DNAI2: variants seen among roughly 807,000 people sequenced by gnomAD.
DNAI2 encodes dynein, axonemal, intermediate polypeptide 2.
A neutral mutation model predicts 74.7 loss-of-function variants in DNAI2; 63 were observed. That is an observed-to-expected ratio of 0.84 (90% confidence interval 0.69 to 1.04). The LOEUF is 1.04. Ranked by LOEUF, DNAI2 falls within the 50% of genes least tolerant of loss-of-function variation. The pLI is 0.00. For missense variants in DNAI2, 688 were observed against 803.2 expected (o/e 0.86, Z 1.73); for synonymous variants, 289 against 314.9 (o/e 0.92, Z 0.87).
At chr17:74,298,690 C>A (rs2052587729) in intron 6 of DNAI2, among the ~76,000 whole-genome samples, 1 of 152,120 alleles carries the variant, frequency 6.6e-6, no homozygotes, top group South Asian at 2.1e-4. Flanking sequence ...GCAGCCTCAA[C>A]CTCCCAGGCT....
chr17:74,304,186 C>CTTTTT (rs56696514), intron 8 of DNAI2, among the ~76,000 whole-genome samples: 48 of 67,652 alleles, frequency 7.1e-4, no homozygotes, highest in African/African-American at 8.7e-4. Context: ...TTTCTTTTTT[C>CTTTTT]TTTTTTTTTT....
intron 3 of DNAI2, 106 bp downstream of exon 3, chr17:74,285,307 G>T (rs2143905335): frequency 7.1e-7 from 1 of 1,411,918 alleles, no homozygotes; most frequent in South Asian, 1.2e-5. Context: ...AGGCTCGTGT[G>T]AATGCTGGGG....
rs1357928166 is a variant in DNAI2, at chr17:74,314,265, C to T, written c.*49C>T. ...TATCCCTGTGTGCCTTCCTTTCCCA[C>T]CTCTTGGTATTGCCCCGCTCTCACA... On this transcript the variant is annotated 3_prime_UTR_variant, in exon 13 of 14. Coordinates refer to ENST00000311014, the MANE Select transcript of DNAI2 (RefSeq NM_023036.6). The T allele has an allele frequency of 5.0e-6, 8 of 1,611,860 alleles. No homozygotes were observed. Among genetic ancestry groups the T allele is most frequent in the Non-Finnish European group, 5.9e-6 (7 of 1,178,666 alleles).
At chr17:74,285,287 C>T in intron 3 of DNAI2, 86 bp downstream of exon 3, 1 of 1,521,394 alleles carries the variant, frequency 6.6e-7, no homozygotes, top group Admixed American at 1.9e-5. Context: ...TGTGCCTGGC[C>T]ATCGCTGTGA....
chr17:74,280,403 C>G (rs897261484), intron 1 of DNAI2, among the ~76,000 whole-genome samples: 2 of 152,170 alleles, frequency 1.3e-5, no homozygotes, highest in Non-Finnish European at 2.9e-5. Context: ...CAGGGCCGAG[C>G]CCAGCCCACT....
Position 74,305,296 on chromosome 17 carries a change from G to C in DNAI2, c.1065G>C (p.Lys355Asn), listed in dbSNP as rs551163932. 1.2e-6 allele frequency: 2 copies of C among 1,614,240 alleles called. No homozygotes were observed. Among genetic ancestry groups the C allele is most frequent in the Non-Finnish European group, 1.7e-6 (2 of 1,180,048 alleles). The change falls in exon 9 of 14, where the codon AAG becomes AAC. Residue 355 changes from lysine (K) to asparagine (N), a missense_variant. Coordinates refer to ENST00000311014, the MANE Select transcript of DNAI2 (RefSeq NM_023036.6). ...GCAAGGCCAAGACGTCAGCTGAAAA[G>C]ATTGTGTGCACCTTCCCGGGCCATC... ...CNRKAKTSAE[K>N]IVCTFPGHHG...
intron 9 of DNAI2, among the ~76,000 whole-genome samples, chr17:74,306,660 C>T (rs904891357): frequency 2.0e-5 from 3 of 152,170 alleles, no homozygotes; most frequent in African/African-American, 7.2e-5. Context: ...CTCTGTCACC[C>T]AGGCTGAAGT....
intron 8 of DNAI2, among the ~76,000 whole-genome samples, chr17:74,304,362 A>G (rs762136731): frequency 6.6e-6 from 1 of 151,502 alleles, no homozygotes; most frequent in Non-Finnish European, 1.5e-5. Flanking sequence ...CCCTCCCCTC[A>G]GTGTGCCCCT....
At chr17:74,311,963 C>A in intron 11 of DNAI2, 40 bp from the exon 12 acceptor site, 1 of 1,601,518 alleles carries the variant, frequency 6.2e-7, no homozygotes, top group Non-Finnish European at 8.5e-7. Flanking sequence ...TGCCATCCTG[C>A]CCTCTCCCCA....
intron 8 of DNAI2, among the ~76,000 whole-genome samples, chr17:74,304,448 G>T (rs1250994313): frequency 1.3e-5 from 2 of 152,028 alleles, no homozygotes; most frequent in Non-Finnish European, 2.9e-5. Flanking sequence ...GGCCCTGCTG[G>T]TGGAGGTTGT....
chr17:74,291,487 C>A (rs2143955978), intron 6 of DNAI2, among the ~76,000 whole-genome samples: 1 of 152,248 alleles, frequency 6.6e-6, no homozygotes, highest in Non-Finnish European at 1.5e-5. Flanking sequence ...ATAGTCAGAG[C>A]CAATCCTGCT....
chr17:74,303,367 T>C (rs2052977497), intron 8 of DNAI2, among the ~76,000 whole-genome samples: 1 of 152,144 alleles, frequency 6.6e-6, no homozygotes, highest in South Asian at 2.1e-4. Context: ...TGCAGTCGGC[T>C]TGAATACTTT....
intron 12 of DNAI2, among the ~76,000 whole-genome samples, chr17:74,313,379 C>G (rs931284014): frequency 6.6e-6 from 1 of 152,152 alleles, no homozygotes; most frequent in Non-Finnish European, 1.5e-5. Flanking sequence ...CTGGGTAATA[C>G]AGGTGGGGCA....
intron 9 of DNAI2, among the ~76,000 whole-genome samples, chr17:74,305,964 G>A (rs559342379): frequency 3.3e-5 from 5 of 152,158 alleles, no homozygotes; most frequent in Non-Finnish European, 5.9e-5. Context: ...GAGCCACCGC[G>A]TCTGGCTGGC....
chr17:74,277,283 G>A (rs757872851), intron 1 of DNAI2, among the ~76,000 whole-genome samples: 1 of 151,798 alleles, frequency 6.6e-6, no homozygotes, highest in Non-Finnish European at 1.5e-5. Flanking sequence ...GCTACGGGAG[G>A]CTGAGGCAGG....
At chr17:74,303,420 A>G (rs1189726421) in intron 8 of DNAI2, among the ~76,000 whole-genome samples, 1 of 152,000 alleles carries the variant, frequency 6.6e-6, no homozygotes, top group Non-Finnish European at 1.5e-5. Context: ...CTTGCCCTTG[A>G]CGCCCAACTT....
chr17:74,301,056 G>A lies in DNAI2; in HGVS notation c.875G>A (p.Trp292Ter). The A allele has an allele frequency of 1.9e-6, 3 of 1,613,940 alleles. No homozygotes were observed. The highest frequency in any genetic ancestry group is 2.5e-6 in the Non-Finnish European group (3 of 1,179,884). Residue 292 changes from tryptophan (W) to a stop codon, truncating the protein, a stop_gained, in exon 8 of 14, where the codon TGG (tryptophan) becomes TAG (stop). Transcript: ENST00000311014. LOFTEE classifies it high-confidence loss of function. Reference protein sequence around the residue: ...SASTDGQVMWWDIRKMSEPTE... With the variant: ...SASTDGQVMW The stretch of plus-strand genomic sequence containing the variant: ...CCCTCCTCCCACCAGGTCATGTGGT[G>A]GGACATCCGAAAGATGAGCGAGCCC...
rs35985071 is a variant in DNAI2 at position 74,285,090 on chromosome 17, G to A, written c.234G>A (p.Glu78=). 2,808 of 1,614,208 alleles carry A rather than the reference G, an allele frequency of 1.7e-3. 42 individuals are homozygous for A. The African/African-American group carries it at 0.032, about 19-fold the overall frequency. The change falls in exon 3 of 14, where the codon GAG becomes GAA. Residue 78 remains glutamate, a synonymous_variant. Transcript: ENST00000311014. ...EMETRGVNHV[E]GGWPKDVNPL... ...AGACCCGGGGAGTTAACCATGTCGA[G>A]GGGGGCTGGCCCAAGGACGTGAACC...
At chr17:74,314,433 A>G (rs894577646) in intron 13 of DNAI2, among the ~76,000 whole-genome samples, 156 bp from the exon 14 acceptor site, 39 of 152,186 alleles carry the variant, frequency 2.6e-4, no homozygotes, top group Admixed American at 6.5e-5. Context: ...GAGAGAGGGA[A>G]GGGGCGGGGC....
Sources: gnomAD v4.1 joint callset for allele counts (sites outside exome capture counted in the v4.1 genomes callset) on GRCh38, gnomAD v4.1.1 for gene constraint, MANE v1.5 for transcripts, NCBI Gene and HGNC (gene_info 2026-07-23, HGNC 2026-07-21) for gene names.